Variants in SMPDL3A observed in about 807,000 individuals in gnomAD.
The protein encoded by SMPDL3A is cyclic GMP-AMP phosphodiesterase SMPDL3A.
Under a neutral mutation model 38.5 loss-of-function variants are expected in SMPDL3A, and 39 were observed. That is an observed-to-expected ratio of 1.01 (90% CI 0.78 to 1.32). SMPDL3A has a LOEUF of 1.32. Among genes scored for constraint, SMPDL3A ranks in the 40% most tolerant of loss-of-function variants. SMPDL3A has a pLI of 0.00. For missense variants in SMPDL3A, 502 were observed against 536.2 expected, an observed-to-expected ratio of 0.94 and a Z score of 0.63; for synonymous variants, 180 against 194.3, an observed-to-expected ratio of 0.93 and a Z score of 0.61.
At chr6:122,802,195 CTTTT>C (rs3031702) in intron 4 of SMPDL3A, among the ~76,000 whole-genome samples, 3,324 of 123,488 alleles carry the variant, frequency 0.027, 93 homozygotes, top group African/African-American at 0.087. Flanking sequence ...TATATCTAGT[CTTTT>C]TTTTTTTTTT....
intron 7 of SMPDL3A, among the ~76,000 whole-genome samples, chr6:122,806,948 T>TG (rs2115176335): frequency 6.6e-6 from 1 of 152,294 alleles, no homozygotes; most frequent in East Asian, 1.9e-4. Flanking sequence ...TGGAGTGTAG[T>TG]GGTGCGATCA....
intron 1 of SMPDL3A, 30 bp from the exon 2 acceptor site, chr6:122,795,647 A>C (rs1781220960): frequency 2.0e-6 from 3 of 1,529,574 alleles, no homozygotes; most frequent in Non-Finnish European, 2.7e-6. Context: ...GAACAAGTAG[A>C]TTTATCTGCA....
At chr6:122,790,403 C>G (rs1043209322) in intron 1 of SMPDL3A, among the ~76,000 whole-genome samples, 1 of 152,168 alleles carries the variant, frequency 6.6e-6, no homozygotes, top group African/African-American at 2.4e-5. Flanking sequence ...CTCACCTCCT[C>G]AACTCCCTTT....
At chr6:122,790,361 TC>T in intron 1 of SMPDL3A, among the ~76,000 whole-genome samples, 2 of 152,298 alleles carry the variant, frequency 1.3e-5, no homozygotes, top group Middle Eastern at 6.8e-3. Context: ...TACAATGCCA[TC>T]CGAGCCTCCA....
intron 3 of SMPDL3A, among the ~76,000 whole-genome samples, chr6:122,797,663 G>C (rs1479709052): frequency 6.6e-6 from 1 of 152,108 alleles, no homozygotes; most frequent in Admixed American, 6.6e-5. Flanking sequence ...TTAAGTCCAG[G>C]GCTGGGCAAT....
chr6:122,805,034 A>C lies in SMPDL3A; in HGVS notation c.864A>C (p.Gly288=), dbSNP rs755307974. The change falls in exon 6 of 8, where the codon GGA becomes GGC. Residue 288 remains glycine, a synonymous_variant. Coordinates refer to ENST00000368440, the MANE Select transcript of SMPDL3A (RefSeq NM_006714.5). ...AAAAATACAGTGATGTCATTGCAGG[A>C]CAATTTTATGGACACACTCACAGAG... ...IFQKYSDVIA[G]QFYGHTHRDS... is the part of the protein sequence containing the mutation. 2 of 1,613,346 alleles carry C rather than the reference A, an allele frequency of 1.2e-6. No homozygotes were observed. Among genetic ancestry groups the C allele is most frequent in the Non-Finnish European group, 1.7e-6 (2 of 1,179,822 alleles).
intron 6 of SMPDL3A, among the ~76,000 whole-genome samples, chr6:122,805,843 T>A (rs1445138210): frequency 1.3e-5 from 2 of 152,206 alleles, no homozygotes; most frequent in Admixed American, 6.5e-5. Context: ...TCTGCCCGCC[T>A]CGGCCTCCCA....
intron 1 of SMPDL3A, chr6:122,789,792 G>T (rs1358152984): frequency 2.0e-6 from 2 of 978,378 alleles, no homozygotes; most frequent in East Asian, 1.1e-4. Context: ...GGGGAAGGAA[G>T]GAAAAGCTGC....
At chr6:122,802,686 A>G (rs550940283) in intron 4 of SMPDL3A, among the ~76,000 whole-genome samples, 1 of 152,348 alleles carries the variant, frequency 6.6e-6, no homozygotes, top group South Asian at 2.1e-4. Flanking sequence ...AAAAAGCCAT[A>G]TGAGTTTCAT....
At chr6:122,801,500 C>A in intron 4 of SMPDL3A, 94 bp downstream of exon 4, 1 of 860,118 alleles carries the variant, frequency 1.2e-6, no homozygotes, top group Non-Finnish European at 1.9e-6. Flanking sequence ...TGTGCCACTT[C>A]TGGAGCACAG....
chr6:122,800,549 G>A (rs1354568281), intron 3 of SMPDL3A, among the ~76,000 whole-genome samples: 1 of 152,144 alleles, frequency 6.6e-6, no homozygotes, highest in African/African-American at 2.4e-5. Context: ...TAAAACATGA[G>A]CTTTTCTCTG....
chr6:122,801,253 A>T, intron 3 of SMPDL3A, 57 bp from the exon 4 acceptor site: 1 of 1,248,626 alleles, frequency 8.0e-7, no homozygotes, highest in Non-Finnish European at 1.2e-6. Context: ...TAGTGTTTAC[A>T]TTAATTCAGC....
intron 1 of SMPDL3A, among the ~76,000 whole-genome samples, chr6:122,794,039 A>G (rs1286941387): frequency 6.6e-6 from 1 of 152,200 alleles, no homozygotes; most frequent in African/African-American, 2.4e-5. Context: ...ATATATATAT[A>G]AATGATGTAT....
At chr6:122,801,492 T>A in intron 4 of SMPDL3A, 86 bp downstream of exon 4, 1 of 947,610 alleles carries the variant, frequency 1.1e-6, no homozygotes, top group Non-Finnish European at 1.7e-6. Flanking sequence ...TGCTTGAGTG[T>A]GCCACTTCTG....
At chr6:122,801,085 C>T (rs896370484) in intron 3 of SMPDL3A, among the ~76,000 whole-genome samples, 1 of 152,128 alleles carries the variant, frequency 6.6e-6, no homozygotes, top group African/African-American at 2.4e-5. Flanking sequence ...CTTCTAGGCT[C>T]CCCGGACCTC....
intron 3 of SMPDL3A, among the ~76,000 whole-genome samples, chr6:122,800,383 T>C (rs992907496): frequency 2.0e-5 from 3 of 152,212 alleles, no homozygotes; most frequent in African/African-American, 2.4e-5. Flanking sequence ...CTTATAATAG[T>C]TTGAACAGTT....
rs1462275991 is a variant in SMPDL3A, at chr6:122,801,332, G to A, written c.494G>A (p.Ser165Asn). ...CAGGATCAACTGCCTGTAGTCACCA[G>A]TAAAGTGTACAATGCAGTAGCAAAC... ...WPQDQLPVVTSKVYNAVANLW... is the reference protein window; with the variant it reads ...WPQDQLPVVTNKVYNAVANLW... Residue 165 changes from serine to asparagine, a missense_variant, in exon 4 of 8, where the codon AGT becomes AAT. By Grantham distance (46) the Ser-to-Asn change is conservative (BLOSUM62 1). Transcript: ENST00000368440. 4 of 1,613,204 alleles carry A rather than the reference G, an allele frequency of 2.5e-6. No individual in the cohort carries two copies. The African/African-American group carries it at 5.3e-5, about 21-fold the overall frequency.
intron 2 of SMPDL3A, among the ~76,000 whole-genome samples, chr6:122,796,147 T>C (rs73768835): frequency 0.026 from 4,003 of 152,192 alleles, 182 homozygotes; most frequent in African/African-American, 0.092. Flanking sequence ...TGCATCAATA[T>C]CTTGAGGTGT....
intron 1 of SMPDL3A, chr6:122,789,986 C>A: frequency 1.7e-6 from 1 of 592,770 alleles, no homozygotes; most frequent in Non-Finnish European, 2.1e-6. Flanking sequence ...ACTCACCCAG[C>A]CAGAGCGCGA....
Sources: gnomAD v4.1 joint callset for allele counts (sites outside exome capture counted in the v4.1 genomes callset) on GRCh38, gnomAD v4.1.1 for gene constraint, MANE v1.5 for transcripts, NCBI Gene and HGNC (gene_info 2026-07-23, HGNC 2026-07-21) for gene names.